BNC2: variants seen among roughly 807,000 people sequenced by gnomAD.
The protein encoded by BNC2 is zinc finger protein basonuclin-2.
BNC2 carries 20 observed loss-of-function variants against 76.3 expected under a neutral mutation model. The observed-to-expected ratio is 0.26, with a 90% confidence interval of 0.18 to 0.38. The LOEUF is 0.38. Among genes scored for constraint, BNC2 ranks in the 10% least tolerant of loss-of-function variants. The pLI is 1.00. For synonymous variants in BNC2, 582 were observed against 514.8 expected (o/e 1.13, Z -1.77); for missense variants, 1,382 against 1,399.8 (o/e 0.99, Z 0.20).
chr9:16,842,295 A>T lies in BNC2; in HGVS notation c.3+28351T>A, dbSNP rs181994540. On this transcript the variant is annotated intron_variant, in intron 1 of 6. Coordinates refer to ENST00000380672, the MANE Select transcript of BNC2 (RefSeq NM_017637.6). ...AATTTCCAAAATAGTTCATGTAGATATAAGTATGATACTTTCTGTTTCTGT... is the reference window on the plus strand; with the variant it reads ...AATTTCCAAAATAGTTCATGTAGATTTAAGTATGATACTTTCTGTTTCTGT... Among the ~76,000 whole-genome samples the T allele has an allele frequency of 1.7e-3, 266 of 152,370 alleles. 1 individual carries two copies. Among genetic ancestry groups the T allele is most frequent in the South Asian group, 4.8e-3 (23 of 4,832 alleles).
intron 3 of BNC2, among the ~76,000 whole-genome samples, chr9:16,694,552 C>A (rs1280015029): frequency 6.6e-6 from 1 of 152,124 alleles, no homozygotes; most frequent in African/African-American, 2.4e-5. Flanking sequence ...ACCAACAGAC[C>A]AGAGGAATTC....
chr9:16,763,376 C>A (rs1365508454), intron 1 of BNC2, among the ~76,000 whole-genome samples: 3 of 151,608 alleles, frequency 2.0e-5, no homozygotes, highest in African/African-American at 7.3e-5. Flanking sequence ...TCATGACCAG[C>A]CTGGGAAACA....
In BNC2 at chr9:16,692,752, A is replaced by G. The variant is rs573591015; in HGVS notation, c.330+35045T>C. 6.0e-4 allele frequency among the ~76,000 whole-genome samples: 91 copies of G among 152,316 alleles called. 1 individual carries two copies. The highest frequency in any genetic ancestry group is 4.4e-5 in the Non-Finnish European group (3 of 68,032). ...TTAGGGACCAAGGGCCAACTCAATC[A>G]TCTTTTAGAAGGCTTCCTAGAGTGA... is the stretch of plus-strand genomic sequence containing the variant. On this transcript the variant is annotated intron_variant, in intron 3 of 6. Transcript: ENST00000380672.
chr9:16,538,916 T>C (rs558647925), intron 5 of BNC2, among the ~76,000 whole-genome samples: 36 of 152,346 alleles, frequency 2.4e-4, no homozygotes, highest in Admixed American at 8.5e-4. Context: ...TACTTACGTT[T>C]TCATTAGAAA....
At chr9:16,726,166 A>G (rs924514642) in intron 3 of BNC2, among the ~76,000 whole-genome samples, 4 of 152,224 alleles carry the variant, frequency 2.6e-5, no homozygotes, top group Admixed American at 6.5e-5. Context: ...AACACCTCTC[A>G]CAGCGCTCTG....
intron 5 of BNC2, among the ~76,000 whole-genome samples, chr9:16,528,175 A>T (rs1215055131): frequency 6.6e-6 from 1 of 152,224 alleles, no homozygotes; most frequent in South Asian, 2.1e-4. Context: ...AATAATTATT[A>T]CTTAAGATAA....
In BNC2 at chr9:16,469,963, C is replaced by G. The variant is rs373511087; in HGVS notation, c.670-32439G>C. Among the ~76,000 whole-genome samples the G allele has an allele frequency of 1.4e-3, 206 of 150,704 alleles. 1 individual carries two copies. The highest frequency in any genetic ancestry group is 4.8e-3 in the African/African-American group (199 of 41,106). On this transcript the variant is annotated intron_variant, in intron 5 of 6. Transcript: ENST00000380672. The stretch of plus-strand genomic sequence containing the variant: ...GAAGAAATTTCTAAGCAGCAAAGCA[C>G]TCAACACTTGCATGCTGCTAATGGC...
chr9:16,756,053 A>C (rs1262652147), intron 1 of BNC2, among the ~76,000 whole-genome samples: 2 of 152,168 alleles, frequency 1.3e-5, no homozygotes, highest in Non-Finnish European at 2.9e-5. Flanking sequence ...GGTGTCTCTC[A>C]TGAGATGTAC....
chr9:16,854,904 G>A (rs1407594380), intron 1 of BNC2, among the ~76,000 whole-genome samples: 2 of 152,004 alleles, frequency 1.3e-5, no homozygotes, highest in Admixed American at 6.6e-5. Flanking sequence ...GAACATCACA[G>A]GTCACTGGAA....
intron 3 of BNC2, among the ~76,000 whole-genome samples, chr9:16,678,310 G>C (rs1469373686): frequency 1.0e-5 from 1 of 95,908 alleles, no homozygotes; most frequent in Non-Finnish European, 1.9e-5. Context: ...ACAGAGTCTT[G>C]CTCTGTCGCC....
intron 1 of BNC2, among the ~76,000 whole-genome samples, chr9:16,814,300 C>T (rs1486380354): frequency 2.0e-5 from 3 of 152,216 alleles, no homozygotes; most frequent in South Asian, 2.1e-4. Flanking sequence ...TACACACACA[C>T]TCTCCCTTTC....
Position 16,822,092 on chromosome 9 carries a change from CA to C in BNC2, c.3+48553del, listed in dbSNP as rs531393812. On this transcript the variant is annotated intron_variant, in intron 1 of 6. Transcript: ENST00000380672. ...TGGGCGACAGAGCCAGACTCCATCT[CA>C]AAAAAAAAAAAAAAAAAAAAAAAAG... Among the ~76,000 whole-genome samples the C allele has an allele frequency of 7.5e-3, 245 of 32,634 alleles. 1 individual carries two copies. The highest frequency in any genetic ancestry group is 0.019 in the African/African-American group (166 of 8,964). 21.4% of individuals were successfully genotyped at this position (32,634 alleles called of 152,430 possible).
chr9:16,617,147 TA>T (rs1200778066), intron 3 of BNC2, among the ~76,000 whole-genome samples: 1 of 152,134 alleles, frequency 6.6e-6, no homozygotes, highest in Non-Finnish European at 1.5e-5. Flanking sequence ...TCGATAAACG[TA>T]AATTTCAGTT....
intron 1 of BNC2, among the ~76,000 whole-genome samples, chr9:16,850,550 T>G (rs1406468305): frequency 6.6e-6 from 1 of 152,218 alleles, no homozygotes; most frequent in Non-Finnish European, 1.5e-5. Context: ...AAACTATATG[T>G]GAAAAATCAA....
intron 1 of BNC2, among the ~76,000 whole-genome samples, chr9:16,810,747 A>G (rs150669314): frequency 4.9e-4 from 74 of 152,306 alleles, no homozygotes; most frequent in African/African-American, 1.8e-3. Flanking sequence ...CCAGTGATCC[A>G]AAGAGAAAAG....
intron 1 of BNC2, among the ~76,000 whole-genome samples, chr9:16,790,312 TAATC>T (rs1180100044): frequency 2.0e-5 from 3 of 152,238 alleles, no homozygotes; most frequent in Admixed American, 1.3e-4. Flanking sequence ...ATGATTTTAA[TAATC>T]AACAGAAATA....
chr9:16,555,081 G>A (rs1168562685), intron 4 of BNC2, among the ~76,000 whole-genome samples: 1 of 147,722 alleles, frequency 6.8e-6, no homozygotes, highest in African/African-American at 2.7e-5. Flanking sequence ...GGGCAGTGGC[G>A]CGATCTCGGC....
In BNC2 at chr9:16,751,668, A is replaced by ATATATATG. The variant is rs1563926980; in HGVS notation, c.4-13184_4-13183insCATATATA. On this transcript the variant is annotated intron_variant, in intron 1 of 6. Transcript: ENST00000380672. ...TATGTGTGTATATATATATGTATGT[A>ATATATATG]TGTGTATATATATATGTATGTGTGT... 7.8e-4 allele frequency among the ~76,000 whole-genome samples: 30 copies of ATATATATG among 38,526 alleles called. 1 individual carries two copies. The highest frequency in any genetic ancestry group is 2.9e-3 in the South Asian group (2 of 678). 25.3% of individuals were successfully genotyped at this position (38,526 alleles called of 152,430 possible).
intron 5 of BNC2, among the ~76,000 whole-genome samples, chr9:16,497,978 GGTGTGTGTGTGTGTGTGTGTGTGT>G (rs34523754): frequency 7.4e-6 from 1 of 134,840 alleles, no homozygotes; most frequent in Non-Finnish European, 1.6e-5. Context: ...AAGAAACTGT[GGTGTGTGTGTGTGTGTGTGTGTGT>G]GTGTGTGTGT....
Sources: allele counts gnomAD v4.1 joint callset (sites outside exome capture counted in the v4.1 genomes callset), GRCh38; gene constraint gnomAD v4.1.1; transcripts MANE v1.5; gene names NCBI Gene and HGNC (gene_info 2026-07-23, HGNC 2026-07-21).